The following BRF1 variants were observed in gnomAD, a reference collection of about 807,000 sequenced individuals.
BRF1 encodes the protein transcription factor IIIB 90 kDa subunit.
In BRF1, 59 loss-of-function variants were observed where a neutral mutation model predicts 81.7. That is an observed-to-expected ratio of 0.72 (90% CI 0.59 to 0.90). BRF1 has a LOEUF of 0.90. Ranked by LOEUF, BRF1 falls within the 40% of genes least tolerant of loss-of-function variation. The pLI, the probability that BRF1 is intolerant of heterozygous loss-of-function variation, is 0.00. For missense variants in BRF1, 1,050 were observed against 936.3 expected, an observed-to-expected ratio of 1.12 and a Z score of -1.58; for synonymous variants, 491 against 395.6, an observed-to-expected ratio of 1.24 and a Z score of -2.86.
chr14:105,290,081 A>G (rs1223147102), intron 1 of BRF1, among the ~76,000 whole-genome samples: 2 of 152,252 alleles, frequency 1.3e-5, no homozygotes, highest in East Asian at 3.8e-4. Context: ...TGCTTTTAAT[A>G]AATAACTCAT....
At chr14:105,248,565 G>A in intron 5 of BRF1, 4 of 843,018 alleles carry the variant, frequency 4.7e-6, no homozygotes, top group Non-Finnish European at 5.6e-6. Flanking sequence ...CGGCGGGTAC[G>A]GGCTCGGGCG....
intron 1 of BRF1, among the ~76,000 whole-genome samples, chr14:105,294,941 T>C (rs1016827506): frequency 2.0e-5 from 3 of 152,176 alleles, no homozygotes; most frequent in Non-Finnish European, 2.9e-5. Context: ...GAAACCACAG[T>C]GCAGAATCTT....
chr14:105,243,111 G>C (rs1170704102), intron 5 of BRF1, among the ~76,000 whole-genome samples: 3 of 149,340 alleles, frequency 2.0e-5, no homozygotes, highest in Non-Finnish European at 3.0e-5. Flanking sequence ...GTGAGACTCT[G>C]TCTCAAAAAA....
In BRF1 at chr14:105,221,651, G is replaced by A; in HGVS notation, c.1312C>T (p.Pro438Ser). Residue 438 changes from proline to serine, a missense_variant, in exon 11 of 18, where the codon CCC (proline) becomes TCC (serine). Pro to Ser is a moderately conservative substitution (Grantham distance 74). This residue lies in a region of BRF1 where 1,043 missense variants were observed against 915.4 expected (regional missense o/e 1.14). Coordinates refer to ENST00000547530, the MANE Select transcript of BRF1 (RefSeq NM_001519.4). The stretch of plus-strand genomic sequence containing the variant: ...CCAGGGCCCCATCAGAACTCACTGG[G>A]GTCGCTGCTCTGAGAGGAGATGCAT... ...RECISSQSSD[P>S]KDASGDGELD... 3 of 1,610,166 alleles carry A rather than the reference G, an allele frequency of 1.9e-6. No homozygotes were observed. The highest frequency in any genetic ancestry group is 2.5e-6 in the Non-Finnish European group (3 of 1,179,554).
In BRF1 at chr14:105,228,842, A is replaced by G. The variant is rs760166609; in HGVS notation, c.766T>C (p.Cys256Arg). 2 of 1,613,964 alleles carry G rather than the reference A, an allele frequency of 1.2e-6. No individual in the cohort carries two copies. The highest frequency in any genetic ancestry group is 1.7e-6 in the Non-Finnish European group (2 of 1,180,018). ...VKEVISVVKVCESTLRKRLTE... is the reference protein window; with the variant it reads ...VKEVISVVKVRESTLRKRLTE... ...CACCTCTTCCGCAGCGTGGACTCACACACTTTGACCACACTGATGACCTCC... is the reference window on the plus strand; with the variant it reads ...CACCTCTTCCGCAGCGTGGACTCACGCACTTTGACCACACTGATGACCTCC... The change falls in exon 7 of 18, where the codon TGT (cysteine) becomes CGT (arginine). Residue 256 changes from cysteine (C) to arginine (R), a missense_variant. Physicochemically the swap from Cys to Arg is radical, Grantham distance 180. Transcript: ENST00000547530.
intron 11 of BRF1, 36 bp downstream of exon 11, chr14:105,221,612 G>A (rs1178217425): frequency 2.5e-6 from 4 of 1,585,198 alleles, no homozygotes; most frequent in South Asian, 1.2e-5. Flanking sequence ...ATCTCCCGAT[G>A]ACCTCAGCGT....
At chr14:105,272,153 G>T (rs1428787559) in intron 3 of BRF1, among the ~76,000 whole-genome samples, 1 of 118,016 alleles carries the variant, frequency 8.5e-6, no homozygotes, top group Non-Finnish European at 1.9e-5. Context: ...CTGCGGTCAC[G>T]GTGTCCACAC....
chr14:105,216,219 G>T (rs1486892101), intron 15 of BRF1, among the ~76,000 whole-genome samples: 1 of 152,234 alleles, frequency 6.6e-6, no homozygotes, highest in Non-Finnish European at 1.5e-5. Flanking sequence ...CTGGTCAGAT[G>T]TGACAGAGGG....
intron 5 of BRF1, chr14:105,249,096 GCCCCGCGGC>G: frequency 6.7e-7 from 1 of 1,485,274 alleles, no homozygotes; most frequent in Non-Finnish European, 8.9e-7. Flanking sequence ...GTGAGCCCGT[GCCCCGCGGC>G]CCCCGCGCCC....
At chr14:105,242,235 G>A (rs1032950336) in intron 5 of BRF1, 2 of 152,090 alleles carry the variant, frequency 1.3e-5, no homozygotes, top group African/African-American at 2.4e-5. Context: ...CTGCATGAAC[G>A]CATCAAGACA....
chr14:105,211,266 C>T lies in BRF1; in HGVS notation c.1852G>A (p.Gly618Arg), dbSNP rs200441045. ...GCCTGGGGCCTGGCAGGCTCAGCTCCGAGGGTGGGAGAGCTTGGGAGCAAA... is the reference window on the plus strand; with the variant it reads ...GCCTGGGGCCTGGCAGGCTCAGCTCTGAGGGTGGGAGAGCTTGGGAGCAAA... ...EALLPSSPTL[G>R]AEPARPQAVL... The change falls in exon 17 of 18, where the codon GGA (glycine) becomes AGA (arginine). Residue 618 changes from glycine to arginine, a missense_variant. Physicochemically the swap from Gly to Arg is moderately radical, Grantham distance 125. Coordinates refer to ENST00000547530, the MANE Select transcript of BRF1 (RefSeq NM_001519.4). 21 of 1,605,784 alleles carry T rather than the reference C, an allele frequency of 1.3e-5. No individual in the cohort carries two copies. The highest frequency in any genetic ancestry group is 2.7e-5 in the African/African-American group (2 of 74,936).
chr14:105,247,835 C>T (rs1412898121), intron 5 of BRF1: 2 of 985,664 alleles, frequency 2.0e-6, no homozygotes, highest in Non-Finnish European at 2.4e-6. Context: ...CCAGGTGACA[C>T]GGCCTCTGAA....
chr14:105,250,996 G>A, intron 5 of BRF1: 1 of 317,632 alleles, frequency 3.1e-6, no homozygotes, highest in Non-Finnish European at 6.1e-6. Context: ...ATTCTAAGTG[G>A]TTCCAAGCTT....
chr14:105,274,973 G>A (rs67936859), intron 2 of BRF1, among the ~76,000 whole-genome samples: 5,380 of 152,316 alleles, frequency 0.035, 170 homozygotes, highest in African/African-American at 0.085. Context: ...AGTTCCCACT[G>A]CATCCTCTGG....
chr14:105,296,225 T>G (rs2057738620), intron 1 of BRF1, among the ~76,000 whole-genome samples: 1 of 151,468 alleles, frequency 6.6e-6, no homozygotes, highest in African/African-American at 2.4e-5. Flanking sequence ...CCATCTCTAC[T>G]AAAAATACAA....
Position 105,300,498 on chromosome 14 carries a change from C to A in BRF1, c.132G>T (p.Val44=). 6.5e-7 allele frequency: 1 copy of A among 1,537,342 alleles called. No homozygotes were observed. ...CCGAGGAGCCGCCGCCGCTGCTCTC[C>A]ACGAACTGCACCTCGGACACGATGA... ...DNIIVSEVQF[V]ESSGGGSSAV... is the part of the protein sequence containing the mutation. Residue 44 remains valine (V), a synonymous_variant, in exon 1 of 18, where the codon GTG becomes GTT. Transcript: ENST00000547530.
rs77331892 is a variant in BRF1, at chr14:105,210,041, C to T, written c.*510G>A. 2,099 of 225,906 alleles carry T rather than the reference C, an allele frequency of 9.3e-3. 69 individuals are homozygous for T. Among genetic ancestry groups the T allele is most frequent in the Admixed American group, 0.064 (1,232 of 19,380 alleles). The allele number at this position is 225,906 out of a possible 1,614,324, so 14.0% of individuals were successfully genotyped here. ...CTCTCAAGTGCCAGATCCTCAGCTC[C>T]CACGGCTGCGCCGGACACCTGCAGG... On this transcript the variant is annotated 3_prime_UTR_variant, in exon 18 of 18. Coordinates refer to ENST00000547530, the MANE Select transcript of BRF1 (RefSeq NM_001519.4). The surrounding 1 kb of genome is among the most constrained non-coding windows in gnomAD (Gnocchi z 4.7).
intron 5 of BRF1, chr14:105,249,485 C>T (rs755687982): frequency 3.7e-6 from 6 of 1,613,266 alleles, no homozygotes; most frequent in Non-Finnish European, 5.1e-6. Flanking sequence ...TAAAGTAAGT[C>T]CACTCTACTG....
At chr14:105,223,185 C>T (rs1396337678) in intron 10 of BRF1, among the ~76,000 whole-genome samples, 1 of 152,060 alleles carries the variant, frequency 6.6e-6, no homozygotes, top group Non-Finnish European at 1.5e-5. Context: ...AGAGTAAGAC[C>T]GTCTCAAAAA....
Sources: allele counts gnomAD v4.1 joint callset (sites outside exome capture counted in the v4.1 genomes callset), GRCh38; gene constraint gnomAD v4.1.1; regional missense constraint gnomAD v4.1.1; non-coding constraint Gnocchi (gnomAD v3.1); transcripts MANE v1.5; gene names NCBI Gene and HGNC (gene_info 2026-07-23, HGNC 2026-07-21).